Variants in NAV2 observed in about 807,000 individuals in gnomAD.
The protein encoded by NAV2 is neuron navigator 2.
Under a neutral mutation model 223.2 loss-of-function variants are expected in NAV2, and 54 were observed. The observed-to-expected ratio is 0.24, with a 90% CI of 0.19 to 0.30. The LOEUF (loss-of-function observed/expected upper bound fraction) is 0.30. Ranked by LOEUF, NAV2 falls within the 10% of genes least tolerant of loss-of-function variation. The pLI, the probability that NAV2 is intolerant of heterozygous loss-of-function variation, is 1.00. For synonymous variants in NAV2, 1,279 were observed against 1,239.3 expected (o/e 1.03, Z -0.67); for missense variants, 2,806 against 3,147.5 (o/e 0.89, Z 2.60).
chr11:19,530,022 A>G (rs1465236740), intron 1 of NAV2, among the ~76,000 whole-genome samples: 1 of 152,136 alleles, frequency 6.6e-6, no homozygotes, highest in African/African-American at 2.4e-5. Context: ...CCCTTCCCCC[A>G]GTGGAAACCA....
intron 37 of NAV2, among the ~76,000 whole-genome samples, chr11:20,117,338 G>A (rs1445466615): frequency 2.6e-5 from 4 of 152,058 alleles, no homozygotes; most frequent in African/African-American, 4.8e-5. Flanking sequence ...TTTATTAAGC[G>A]CTTACTATAT....
At chr11:19,753,217 A>G (rs2053975730) in intron 1 of NAV2, among the ~76,000 whole-genome samples, 1 of 152,146 alleles carries the variant, frequency 6.6e-6, no homozygotes, top group Non-Finnish European at 1.5e-5. Flanking sequence ...TCCCCACTTC[A>G]TGAGTCCTTC....
intron 1 of NAV2, among the ~76,000 whole-genome samples, chr11:19,488,744 A>G (rs1243811568): frequency 6.6e-6 from 1 of 152,254 alleles, no homozygotes; most frequent in Non-Finnish European, 1.5e-5. Flanking sequence ...TTGCATTATT[A>G]TTGACATAAT....
Position 20,019,439 on chromosome 11 carries a change from G to A in NAV2, c.2769-16520G>A, listed in dbSNP as rs547682212. 1.1e-3 allele frequency among the ~76,000 whole-genome samples: 175 copies of A among 152,246 alleles called. 1 individual carries two copies. The highest frequency in any genetic ancestry group is 2.6e-4 in the Non-Finnish European group (18 of 68,032). ...AGTTGGGAGCAATAGTTTTGAGTAA[G>A]GTAAATTTGATTTCAGATGTGTTGG... On this transcript the variant is annotated intron_variant, in intron 11 of 37. Transcript: ENST00000349880.
At chr11:19,565,279 G>C (rs1186897415) in intron 1 of NAV2, among the ~76,000 whole-genome samples, 3 of 152,192 alleles carry the variant, frequency 2.0e-5, no homozygotes, top group Admixed American at 6.5e-5. Context: ...TAAAGCCCAT[G>C]CTTTTCTTCC....
intron 1 of NAV2, among the ~76,000 whole-genome samples, chr11:19,697,167 A>G (rs1375079741): frequency 1.3e-5 from 2 of 152,230 alleles, no homozygotes; most frequent in African/African-American, 4.8e-5. Flanking sequence ...CTAGCAAACT[A>G]ACGTAAGAAT....
chr11:19,748,107 A>G (rs1026268502), intron 1 of NAV2, among the ~76,000 whole-genome samples: 1 of 152,204 alleles, frequency 6.6e-6, no homozygotes, highest in Admixed American at 6.5e-5. Context: ...GGCTGTGGGC[A>G]GTGCTGACCA....
At chr11:19,971,877 A>G (rs1282621205) in intron 10 of NAV2, among the ~76,000 whole-genome samples, 1 of 152,014 alleles carries the variant, frequency 6.6e-6, no homozygotes, top group Non-Finnish European at 1.5e-5. Context: ...TAATTTTTGT[A>G]TTTTTAGTAG....
At chr11:19,731,733 T>C (rs2051794069) in intron 1 of NAV2, among the ~76,000 whole-genome samples, 1 of 152,250 alleles carries the variant, frequency 6.6e-6, no homozygotes, top group African/African-American at 2.4e-5. Flanking sequence ...CTCTTGAGCC[T>C]TGATTTTCCT....
chr11:20,039,786 A>T (rs932494471), intron 12 of NAV2, among the ~76,000 whole-genome samples: 1 of 152,250 alleles, frequency 6.6e-6, no homozygotes. Flanking sequence ...TTAATAACAT[A>T]TGCGGAGGAA....
chr11:19,353,391 A>G (rs1224909959), intron 1 of NAV2, among the ~76,000 whole-genome samples: 1 of 152,140 alleles, frequency 6.6e-6, no homozygotes, highest in Non-Finnish European at 1.5e-5. Context: ...GCCAAATAGG[A>G]TCTGGCTGTT....
chr11:19,889,343 A>G (rs1362962355), intron 5 of NAV2, among the ~76,000 whole-genome samples: 1 of 152,192 alleles, frequency 6.6e-6, no homozygotes, highest in Non-Finnish European at 1.5e-5. Flanking sequence ...TTTACAACAG[A>G]ACCTAAGTGT....
chr11:19,478,724 C>T lies in NAV2; in HGVS notation c.75+127697C>T, dbSNP rs921686464. On this transcript the variant is annotated intron_variant, in intron 1 of 37. Transcript: ENST00000360655. ...AACCCCTATGCTGTGCATGTGTGCA[C>T]GCACGCTTCTCAGCCCCATCTCCAC... is the stretch of plus-strand genomic sequence containing the variant. Among the ~76,000 whole-genome samples, 9 of 152,308 alleles carry T rather than the reference C, an allele frequency of 5.9e-5. No individual in the cohort carries two copies. In the South Asian group the frequency reaches 1.0e-3, roughly 18 times the overall value.
chr11:19,674,503 TCTC>T (rs2048662344), intron 1 of NAV2, among the ~76,000 whole-genome samples: 1 of 152,214 alleles, frequency 6.6e-6, no homozygotes, highest in South Asian at 2.1e-4. Context: ...TCTGCTTTCT[TCTC>T]CCAGTTTTGC....
At chr11:19,346,940 T>C (rs921538805), upstream of NAV2, among the ~76,000 whole-genome samples, 10 of 152,230 alleles carry the variant, frequency 6.6e-5, no homozygotes, top group Non-Finnish European at 1.3e-4. Context: ...AAGTGTTAAT[T>C]AGACCATTGG....
intron 8 of NAV2, among the ~76,000 whole-genome samples, chr11:19,940,388 T>C (rs969572276): frequency 6.6e-6 from 1 of 152,250 alleles, no homozygotes; most frequent in Non-Finnish European, 1.5e-5. Flanking sequence ...GACACTATAC[T>C]ATCGCATTCT....
Position 20,048,760 on chromosome 11 carries a change from C to T in NAV2, c.3935C>T (p.Pro1312Leu). The T allele has an allele frequency of 6.2e-7, 1 of 1,614,136 alleles. No individual in the cohort carries two copies. The highest frequency in any genetic ancestry group is 8.5e-7 in the Non-Finnish European group (1 of 1,180,024). The part of the protein sequence containing the change: ...LFGGKPTKQV[P>L]IATAENMKNS... ...GGTGGGAAGCCTACCAAGCAAGTGC[C>T]CATCGCCACAGCTGAAAACATGAAA... is the stretch of plus-strand genomic sequence containing the variant. Residue 1312 changes from proline (P) to leucine (L), a missense_variant, in exon 15 of 38, where the codon CCC becomes CTC. Coordinates refer to ENST00000349880, the MANE Select transcript of NAV2 (RefSeq NM_145117.5).
intron 1 of NAV2, among the ~76,000 whole-genome samples, chr11:19,376,677 C>T (rs1244452059): frequency 6.6e-6 from 1 of 152,208 alleles, no homozygotes; most frequent in African/African-American, 2.4e-5. Context: ...CTAGAACCCT[C>T]AGCTTGGTAG....
intron 1 of NAV2, among the ~76,000 whole-genome samples, chr11:19,751,266 C>T (rs1214341644): frequency 3.3e-5 from 5 of 152,154 alleles, no homozygotes; most frequent in East Asian, 1.9e-4. Flanking sequence ...GCTCTGACTT[C>T]GGAGTCTGAG....
Sources: allele counts gnomAD v4.1 joint callset (sites outside exome capture counted in the v4.1 genomes callset), GRCh38; gene constraint gnomAD v4.1.1; transcripts MANE v1.5; gene names NCBI Gene and HGNC (gene_info 2026-07-23, HGNC 2026-07-21).